The following CPLX1 variants were observed in gnomAD, a reference collection of about 807,000 sequenced individuals.
The protein encoded by CPLX1 is complexin 1, also known as complexin-1.
Under a neutral mutation model 15.6 loss-of-function variants are expected in CPLX1, and 6 were observed. The observed-to-expected ratio is 0.39, with a 90% CI of 0.21 to 0.76. The LOEUF (loss-of-function observed/expected upper bound fraction) is 0.76, where lower values mean the gene tolerates loss of function less well. Among genes scored for constraint, CPLX1 ranks in the 30% least tolerant of loss-of-function variants. The pLI is 0.43. For synonymous variants in CPLX1, 91 were observed against 75.2 expected (o/e 1.21, Z -1.08); for missense variants, 242 against 188.6 (o/e 1.28, Z -1.66).
chr4:795,425 C>T (rs2152643938), intron 2 of CPLX1, among the ~76,000 whole-genome samples: 1 of 152,330 alleles, frequency 6.6e-6, no homozygotes, highest in Admixed American at 6.5e-5. Flanking sequence ...GCGCTGCGAC[C>T]CACCCCCGCC....
At chr4:788,403 G>A (rs1277900180) in intron 3 of CPLX1, 3 of 985,116 alleles carry the variant, frequency 3.0e-6, no homozygotes, top group African/African-American at 3.5e-5. Context: ...AGCCGCCTGT[G>A]GCCAGACCAC....
chr4:812,958 C>G (rs963330696), intron 2 of CPLX1, among the ~76,000 whole-genome samples: 6 of 151,922 alleles, frequency 3.9e-5, no homozygotes, highest in Non-Finnish European at 5.9e-5. Flanking sequence ...CACAACCCCA[C>G]TAAGATGGGA....
chr4:790,234 G>C (rs901662155), intron 3 of CPLX1, among the ~76,000 whole-genome samples: 5 of 151,366 alleles, frequency 3.3e-5, no homozygotes, highest in African/African-American at 9.8e-5. Flanking sequence ...TGAGGGGCCA[G>C]TGGGCTGCGG....
intron 2 of CPLX1, among the ~76,000 whole-genome samples, chr4:813,227 T>G (rs1484755622): frequency 6.9e-6 from 1 of 144,418 alleles, no homozygotes; most frequent in Admixed American, 7.2e-5. Context: ...ATTGTACCAC[T>G]GCACTCCTGC....
rs76561596 is a variant in CPLX1, at chr4:812,806, C to G, written c.31+11686G>C. 3.6e-3 allele frequency among the ~76,000 whole-genome samples: 543 copies of G among 152,230 alleles called. 5 individuals are homozygous for G. The highest frequency in any genetic ancestry group is 0.013 in the African/African-American group (520 of 41,534). On this transcript the variant is annotated intron_variant, in intron 2 of 3. Transcript: ENST00000304062. ...CATCCTAATGCTAACGCCCGGTGTC[C>G]TAACGCTGCCTGCTCTAATGCTGGC...
intron 2 of CPLX1, among the ~76,000 whole-genome samples, chr4:815,471 C>T (rs1348868770): frequency 6.7e-6 from 1 of 150,188 alleles, no homozygotes; most frequent in East Asian, 2.0e-4. Context: ...GAAGTGTAAT[C>T]GCAGTGCACT....
At chr4:800,842 T>C (rs564776039) in intron 2 of CPLX1, among the ~76,000 whole-genome samples, 17 of 148,470 alleles carry the variant, frequency 1.1e-4, no homozygotes, top group African/African-American at 4.0e-4. Context: ...TGTGTGTGTA[T>C]ATATATGTAT....
intron 2 of CPLX1, among the ~76,000 whole-genome samples, chr4:794,587 G>C (rs1178368927): frequency 6.6e-6 from 1 of 152,214 alleles, no homozygotes; most frequent in Non-Finnish European, 1.5e-5. Context: ...CCAGCGGGCT[G>C]TCTCTAGCAG....
chr4:806,240 A>G (rs1746553242), intron 2 of CPLX1, among the ~76,000 whole-genome samples: 1 of 152,226 alleles, frequency 6.6e-6, no homozygotes, highest in African/African-American at 2.4e-5. Flanking sequence ...GAACTCAGAA[A>G]TAAGCCTGCA....
chr4:797,991 T>C (rs1746377408), intron 2 of CPLX1, among the ~76,000 whole-genome samples: 2 of 151,588 alleles, frequency 1.3e-5, no homozygotes, highest in South Asian at 2.1e-4. Flanking sequence ...AACAGACATA[T>C]AGGCCAGGCA....
chr4:784,981 G>C lies in CPLX1; in HGVS notation c.*1520C>G, dbSNP rs924641055. 6.6e-6 allele frequency: 1 copy of C among 152,286 alleles called. No homozygotes were observed. The highest frequency in any genetic ancestry group is 6.5e-5 in the Admixed American group (1 of 15,288). 9.4% of individuals were successfully genotyped at this position (152,286 alleles called of 1,614,324 possible). Reference sequence around the variant, plus strand: ...GTGAAATCACTGGTGTTTATTGGCTGTGATTCCATCCGGAGAGAACACACG... The same window carrying C: ...GTGAAATCACTGGTGTTTATTGGCTCTGATTCCATCCGGAGAGAACACACG... On this transcript the variant is annotated 3_prime_UTR_variant, in exon 4 of 4. Coordinates refer to ENST00000304062, the MANE Select transcript of CPLX1 (RefSeq NM_006651.4).
intron 2 of CPLX1, among the ~76,000 whole-genome samples, chr4:803,261 G>C (rs1746491745): frequency 1.3e-5 from 2 of 152,248 alleles, no homozygotes; most frequent in Admixed American, 1.3e-4. Flanking sequence ...GCGCTGTTTC[G>C]AAGGGTCCAG....
chr4:825,628 G>T (rs937235319), intron 1 of CPLX1, among the ~76,000 whole-genome samples: 8 of 151,800 alleles, frequency 5.3e-5, no homozygotes, highest in African/African-American at 1.9e-4. Flanking sequence ...AGGGAGGAGA[G>T]GGGGAGCCTC....
chr4:796,044 G>T (rs1002194462), intron 2 of CPLX1, among the ~76,000 whole-genome samples: 36 of 152,264 alleles, frequency 2.4e-4, no homozygotes, highest in Non-Finnish European at 3.7e-4. Context: ...GTTTCTGGGG[G>T]GATCTGCTTA....
At chr4:809,909 C>T (rs1483794467) in intron 2 of CPLX1, among the ~76,000 whole-genome samples, 2 of 152,182 alleles carry the variant, frequency 1.3e-5, no homozygotes, top group Non-Finnish European at 2.9e-5. Flanking sequence ...CTTTCTGGGA[C>T]ACCCCATCAC....
chr4:815,148 C>T (rs1171836895), intron 2 of CPLX1, among the ~76,000 whole-genome samples: 4 of 152,256 alleles, frequency 2.6e-5, no homozygotes, highest in South Asian at 2.1e-4. Flanking sequence ...TGGTGGCTCA[C>T]GCCTGTAATC....
intron 1 of CPLX1, among the ~76,000 whole-genome samples, chr4:825,152 G>T (rs1247159530): frequency 6.6e-6 from 1 of 152,094 alleles, no homozygotes; most frequent in Non-Finnish European, 1.5e-5. Flanking sequence ...AGAAACTTCA[G>T]GGGGCTCAGC....
In CPLX1 at chr4:788,538, G is replaced by A. The variant is rs541691147; in HGVS notation, c.208-1840C>T. The A allele has an allele frequency of 6.9e-5, 68 of 985,478 alleles. No individual in the cohort carries two copies. The African/African-American group carries it at 9.9e-4, about 14-fold the overall frequency. 61.0% of individuals were successfully genotyped at this position (985,478 alleles called of 1,614,324 possible). On this transcript the variant is annotated intron_variant, in intron 3 of 3. Transcript: ENST00000304062. ...GAAACGAAGAGCACAGGGTAGGAAC[G>A]TTCTCCGCACAACAGGGGCGACACC...
intron 2 of CPLX1, among the ~76,000 whole-genome samples, chr4:816,678 C>T (rs566977811): frequency 2.0e-5 from 3 of 151,976 alleles, no homozygotes; most frequent in African/African-American, 7.2e-5. Context: ...AAAAATTAGC[C>T]AAGTGTGGTG....
Sources: allele counts gnomAD v4.1 joint callset (sites outside exome capture counted in the v4.1 genomes callset), GRCh38; gene constraint gnomAD v4.1.1; transcripts MANE v1.5; gene names NCBI Gene and HGNC (gene_info 2026-07-23, HGNC 2026-07-21).